The following CACNA2D3 variants were observed in gnomAD, a reference collection of about 807,000 sequenced individuals.
CACNA2D3 encodes calcium voltage-gated channel auxiliary subunit alpha2delta 3.
A neutral mutation model predicts 160.6 loss-of-function variants in CACNA2D3; 60 were observed. The observed-to-expected ratio is 0.37, with a 90% CI of 0.30 to 0.46. CACNA2D3 has a LOEUF of 0.46. CACNA2D3 is among the 20% of genes least tolerant of loss of function. CACNA2D3 has a pLI of 1.00. For missense variants in CACNA2D3, 1,205 were observed against 1,365.0 expected (o/e 0.88, Z 1.85); for synonymous variants, 558 against 492.9 (o/e 1.13, Z -1.75).
chr3:54,720,986 A>G (rs916441133), intron 11 of CACNA2D3, among the ~76,000 whole-genome samples: 16 of 152,132 alleles, frequency 1.1e-4, no homozygotes, highest in African/African-American at 3.6e-4. Context: ...TTTCTTATCT[A>G]TGTTTCTAGT....
intron 13 of CACNA2D3, among the ~76,000 whole-genome samples, chr3:54,796,406 G>C (rs372827242): frequency 1.3e-5 from 2 of 152,222 alleles, no homozygotes; most frequent in South Asian, 4.1e-4. Context: ...CTCATTGTTA[G>C]CCACTGGATC....
intron 27 of CACNA2D3, among the ~76,000 whole-genome samples, chr3:54,931,244 C>T: frequency 6.6e-6 from 1 of 152,212 alleles, no homozygotes; most frequent in Non-Finnish European, 1.5e-5. Context: ...CTGGCAACAT[C>T]TGCTTACTGC....
chr3:54,249,698 C>CACACACA (rs1559895839), intron 2 of CACNA2D3, among the ~76,000 whole-genome samples: 24 of 149,830 alleles, frequency 1.6e-4, no homozygotes, highest in African/African-American at 3.7e-4. Flanking sequence ...CACACACACA[C>CACACACA]CCCTCATCCT....
intron 16 of CACNA2D3, among the ~76,000 whole-genome samples, chr3:54,840,403 C>CTTTTTT (rs1174129020): frequency 1.8e-3 from 130 of 73,454 alleles, no homozygotes; most frequent in African/African-American, 2.4e-3. Context: ...AGAACCATGT[C>CTTTTTT]TTTTTTTTTT....
intron 2 of CACNA2D3, among the ~76,000 whole-genome samples, chr3:54,213,657 G>A (rs556371311): frequency 6.6e-6 from 1 of 152,324 alleles, no homozygotes; most frequent in African/African-American, 2.4e-5. Flanking sequence ...ATGAGATGTG[G>A]ACCCACTGGT....
At chr3:54,923,814 C>G (rs971098537) in intron 27 of CACNA2D3, among the ~76,000 whole-genome samples, 8 of 152,194 alleles carry the variant, frequency 5.3e-5, no homozygotes, top group African/African-American at 1.9e-4. Context: ...CTCTGGGACT[C>G]TGTTGCCCAT....
At position 54,345,118 on chromosome 3, in the gene CACNA2D3, C is replaced by T. The variant is rs539114609; in HGVS notation, c.321+24560C>T. ...AGAAATAACCATAAAAATGCACAAC[C>T]GACAGCCCTTGGGGCTTCTCTGTCT... is the stretch of plus-strand genomic sequence containing the variant. On this transcript the variant is annotated intron_variant, in intron 3 of 37. Coordinates refer to ENST00000474759, the MANE Select transcript of CACNA2D3 (RefSeq NM_018398.3). 3.9e-5 allele frequency among the ~76,000 whole-genome samples: 6 copies of T among 152,346 alleles called. No individual in the cohort carries two copies. In the South Asian group the frequency reaches 6.2e-4, roughly 16 times the overall value.
chr3:54,986,496 G>A (rs1702616104), intron 30 of CACNA2D3, among the ~76,000 whole-genome samples: 1 of 152,112 alleles, frequency 6.6e-6, no homozygotes, highest in Non-Finnish European at 1.5e-5. Context: ...AAGTTTCCAA[G>A]TTTCCCTGTA....
chr3:54,257,545 CGTT>C (rs1313237889), intron 2 of CACNA2D3, among the ~76,000 whole-genome samples: 7 of 152,046 alleles, frequency 4.6e-5, no homozygotes, highest in East Asian at 3.9e-4. Flanking sequence ...CTGTTCCTGC[CGTT>C]GTTGTTTTTT....
intron 27 of CACNA2D3, among the ~76,000 whole-genome samples, chr3:54,914,454 A>C (rs951573932): frequency 6.6e-6 from 1 of 152,192 alleles, no homozygotes; most frequent in East Asian, 1.9e-4. Flanking sequence ...TTTGTTATCA[A>C]GGTCGTCTTG....
intron 2 of CACNA2D3, among the ~76,000 whole-genome samples, chr3:54,158,346 G>A (rs1464010486): frequency 6.6e-6 from 1 of 152,134 alleles, no homozygotes; most frequent in Non-Finnish European, 1.5e-5. Flanking sequence ...AGTGTTTTCA[G>A]CATCGATTCT....
chr3:54,779,202 A>G (rs980411979), intron 13 of CACNA2D3, among the ~76,000 whole-genome samples: 99 of 152,060 alleles, frequency 6.5e-4, no homozygotes, highest in African/African-American at 2.3e-3. Context: ...GGCTCAAGTG[A>G]TTCTCCTGCC....
chr3:54,764,672 T>TAGA (rs1205815543), intron 13 of CACNA2D3, among the ~76,000 whole-genome samples: 3 of 152,150 alleles, frequency 2.0e-5, no homozygotes, highest in African/African-American at 7.2e-5. Flanking sequence ...CAAGCATTCT[T>TAGA]AGATTCTGTC....
At chr3:54,829,866 T>G (rs1272374065) in intron 14 of CACNA2D3, among the ~76,000 whole-genome samples, 1 of 151,064 alleles carries the variant, frequency 6.6e-6, no homozygotes, top group Non-Finnish European at 1.5e-5. Context: ...TCTGCATATC[T>G]TTTCTTCTTC....
chr3:54,620,425 G>A (rs775918913), intron 9 of CACNA2D3, among the ~76,000 whole-genome samples: 1 of 152,192 alleles, frequency 6.6e-6, no homozygotes, highest in African/African-American at 2.4e-5. Context: ...TCTGTGCTGC[G>A]TGTGAACAGG....
At chr3:54,496,473 A>C (rs940723438) in intron 4 of CACNA2D3, among the ~76,000 whole-genome samples, 3 of 152,114 alleles carry the variant, frequency 2.0e-5, no homozygotes, top group Non-Finnish European at 4.4e-5. Context: ...TGTCTGTTCA[A>C]ATCTTTTGCC....
At chr3:54,991,639 C>T (rs1237630436) in intron 31 of CACNA2D3, among the ~76,000 whole-genome samples, 1 of 148,032 alleles carries the variant, frequency 6.8e-6, no homozygotes, top group Non-Finnish European at 1.5e-5. Context: ...AAAATACAGC[C>T]TGTCATAGGA....
At chr3:54,722,904 T>C (rs1648178457) in intron 11 of CACNA2D3, among the ~76,000 whole-genome samples, 1 of 152,180 alleles carries the variant, frequency 6.6e-6, no homozygotes, top group African/African-American at 2.4e-5. Flanking sequence ...GTCTGACCCT[T>C]AGCAGAGCTC....
At chr3:54,355,294 T>C (rs368998279) in intron 3 of CACNA2D3, among the ~76,000 whole-genome samples, 13 of 152,286 alleles carry the variant, frequency 8.5e-5, no homozygotes, top group East Asian at 7.7e-4. Flanking sequence ...CTGGAGGCCA[T>C]TGAAGTGTTT....
Sources: allele counts gnomAD v4.1 joint callset (sites outside exome capture counted in the v4.1 genomes callset), GRCh38; gene constraint gnomAD v4.1.1; transcripts MANE v1.5; gene names NCBI Gene and HGNC (gene_info 2026-07-23, HGNC 2026-07-21).